PSMB2: variants seen among roughly 807,000 people sequenced by gnomAD.
The protein encoded by PSMB2 is proteasome 20S subunit beta 2.
In PSMB2, 13 loss-of-function variants were observed where a neutral mutation model predicts 25.7. The observed-to-expected ratio is 0.51, with a 90% CI of 0.33 to 0.80. The LOEUF is 0.80. Ranked by LOEUF, PSMB2 falls within the 30% of genes least tolerant of loss-of-function variation. The pLI is 0.02. For synonymous variants in PSMB2, 87 were observed against 96.2 expected, an observed-to-expected ratio of 0.90 and a Z score of 0.56; for missense variants, 202 against 259.0, an observed-to-expected ratio of 0.78 and a Z score of 1.51.
At chr1:35,626,020 T>G (rs1046109001) in intron 3 of PSMB2, among the ~76,000 whole-genome samples, 4 of 151,990 alleles carry the variant, frequency 2.6e-5, no homozygotes, top group African/African-American at 9.7e-5. Flanking sequence ...GTATTTTTAG[T>G]AGAGATGGGG....
chr1:35,612,089 A>AG (rs1650360217), intron 3 of PSMB2, among the ~76,000 whole-genome samples: 1 of 152,218 alleles, frequency 6.6e-6, no homozygotes, highest in Non-Finnish European at 1.5e-5. Flanking sequence ...TTTCTGTTTT[A>AG]GTGATAGGAC....
chr1:35,641,014 A>C (rs527502560), intron 1 of PSMB2, among the ~76,000 whole-genome samples: 3 of 150,514 alleles, frequency 2.0e-5, no homozygotes, highest in African/African-American at 7.5e-5. Flanking sequence ...AATATGGAGA[A>C]ATCCACATCT....
chr1:35,609,023 T>C (rs1211814542), intron 4 of PSMB2, among the ~76,000 whole-genome samples: 1 of 152,222 alleles, frequency 6.6e-6, no homozygotes, highest in African/African-American at 2.4e-5. Context: ...TCTAGAGATA[T>C]GTACTATCTC....
Position 35,602,926 on chromosome 1 carries a change from G to C in PSMB2, c.*341C>G. ...GCAAAAAGAACCACTACTTTAGAGA[G>C]AATGGAGATACTAGCAAGTAAAATA... On this transcript the variant is annotated 3_prime_UTR_variant, in exon 6 of 6. Transcript: ENST00000373237. The C allele has an allele frequency of 9.7e-7, 1 of 1,026,560 alleles. No homozygotes were observed. Among genetic ancestry groups the C allele is most frequent in the Non-Finnish European group, 1.2e-6 (1 of 854,056 alleles). The allele number at this position is 1,026,560 out of a possible 1,614,324, so 63.6% of individuals were successfully genotyped here.
chr1:35,641,523 G>A lies in PSMB2; in HGVS notation c.-91C>T. 9 of 1,573,018 alleles carry A rather than the reference G, an allele frequency of 5.7e-6. No individual in the cohort carries two copies. The highest frequency in any genetic ancestry group is 1.8e-5 in the Admixed American group (1 of 54,132). On this transcript the variant is annotated 5_prime_UTR_variant, in exon 1 of 6. Coordinates refer to ENST00000373237, the MANE Select transcript of PSMB2 (RefSeq NM_002794.5). Reference sequence around the variant, plus strand: ...CGGTGAGACAGCACCTCAGAGCGAAGATTGGCGCGACGCCTGCAGCACGAC... The same window carrying A: ...CGGTGAGACAGCACCTCAGAGCGAAAATTGGCGCGACGCCTGCAGCACGAC...
chr1:35,639,240 C>T (rs1045846323), intron 1 of PSMB2, among the ~76,000 whole-genome samples: 4 of 151,798 alleles, frequency 2.6e-5, no homozygotes, highest in African/African-American at 4.8e-5. Flanking sequence ...GGTGACAGAG[C>T]GAGACTCTGT....
At chr1:35,619,690 T>C (rs1420612417) in intron 3 of PSMB2, among the ~76,000 whole-genome samples, 3 of 152,238 alleles carry the variant, frequency 2.0e-5, no homozygotes, top group Non-Finnish European at 1.5e-5. Context: ...AAATTTTACT[T>C]CTCTAAAGCT....
At chr1:35,621,349 C>A (rs1366525588) in intron 3 of PSMB2, among the ~76,000 whole-genome samples, 2 of 152,174 alleles carry the variant, frequency 1.3e-5, no homozygotes, top group Non-Finnish European at 2.9e-5. Flanking sequence ...TCTGAAGGCC[C>A]ACATTGAGGT....
rs377221341 is a variant in PSMB2, at chr1:35,614,545, G to C, written c.286-5137C>G. On this transcript the variant is annotated intron_variant, in intron 3 of 5. Coordinates refer to ENST00000373237, the MANE Select transcript of PSMB2 (RefSeq NM_002794.5). ...GACAAAGTTTTGAGGTCCCCAAGGG[G>C]AAGAACTGCAACATACAAGACTAGG... Among the ~76,000 whole-genome samples the C allele has an allele frequency of 2.6e-5, 4 of 152,194 alleles. No individual in the cohort carries two copies. The East Asian group carries it at 7.7e-4, about 29-fold the overall frequency.
rs765004257 is a variant in PSMB2, at chr1:35,603,359, T to C, written c.514A>G (p.Ile172Val). ...ACACTGAAGGTTGGCAGATTCAGGA[T>C]GAAGCGTTTCTGGAGCTGCAGAGAG... Reference protein sequence around the residue: ...KCLEELQKRFILNLPTFSVRI... With the variant: ...KCLEELQKRFVLNLPTFSVRI... The change falls in exon 6 of 6, where the codon ATC becomes GTC. Residue 172 changes from isoleucine (I) to valine (V), a missense_variant. Ile to Val is a conservative substitution (Grantham distance 29, BLOSUM62 3). Coordinates refer to ENST00000373237, the MANE Select transcript of PSMB2 (RefSeq NM_002794.5). The C allele has an allele frequency of 2.5e-6, 4 of 1,614,040 alleles. No individual in the cohort carries two copies. The highest frequency in any genetic ancestry group is 2.2e-5 in the East Asian group (1 of 44,900).
In PSMB2 at chr1:35,624,920, G is replaced by A. The variant is rs562276306; in HGVS notation, c.285+6354C>T. Among the ~76,000 whole-genome samples the A allele has an allele frequency of 7.2e-5, 11 of 152,252 alleles. No individual in the cohort carries two copies. In the South Asian group the frequency reaches 2.3e-3, roughly 32 times the overall value. On this transcript the variant is annotated intron_variant, in intron 3 of 5. Coordinates refer to ENST00000373237, the MANE Select transcript of PSMB2 (RefSeq NM_002794.5). ...TACTAAAAATACACAAATTAGCCAG[G>A]CATGGTGGTGCACGCCTGTAGTCCC...
Position 35,631,303 on chromosome 1 carries a change from G to C in PSMB2, c.256C>G (p.Arg86Gly). 6.2e-7 allele frequency: 1 copy of C among 1,614,122 alleles called. No individual in the cohort carries two copies. The highest frequency in any genetic ancestry group is 8.5e-7 in the Non-Finnish European group (1 of 1,179,992). Residue 86 changes from arginine to glycine, a missense_variant, in exon 3 of 6, where the codon CGA becomes GGA. Arg to Gly is a moderately radical substitution (Grantham distance 125). Coordinates refer to ENST00000373237, the MANE Select transcript of PSMB2 (RefSeq NM_002794.5). ...CTCCGAAGACAGTCAGCCAGGTTTC[G>C]GCGTGTGAAGTTAGCTGCTGCCGTG... The part of the protein sequence containing the change: ...SPTAAANFTR[R>G]NLADCLRSRT...
At chr1:35,610,895 T>C (rs758534166) in intron 3 of PSMB2, among the ~76,000 whole-genome samples, 1 of 152,242 alleles carries the variant, frequency 6.6e-6, no homozygotes, top group Non-Finnish European at 1.5e-5. Flanking sequence ...GATTTATAGG[T>C]ATCCTTTCTT....
At chr1:35,628,596 A>AAAAAAAAATATAT (rs59538661) in intron 3 of PSMB2, among the ~76,000 whole-genome samples, 7 of 25,104 alleles carry the variant, frequency 2.8e-4, no homozygotes, top group Admixed American at 8.2e-4. Flanking sequence ...AAAAAAAAAA[A>AAAAAAAAATATAT]ATATATATAT....
chr1:35,604,567 G>A (rs1202637324), intron 5 of PSMB2, among the ~76,000 whole-genome samples: 1 of 152,118 alleles, frequency 6.6e-6, no homozygotes, highest in Non-Finnish European at 1.5e-5. Flanking sequence ...ATCACCTGAG[G>A]TCAGGAGTTC....
At chr1:35,606,921 G>A (rs1650185974) in intron 4 of PSMB2, among the ~76,000 whole-genome samples, 1 of 152,094 alleles carries the variant, frequency 6.6e-6, no homozygotes, top group Non-Finnish European at 1.5e-5. Flanking sequence ...GACTTTTGAT[G>A]AAGGTACCAA....
intron 3 of PSMB2, among the ~76,000 whole-genome samples, chr1:35,623,700 G>A (rs1162560273): frequency 6.6e-6 from 1 of 152,218 alleles, no homozygotes; most frequent in Admixed American, 6.5e-5. Context: ...TGGGTGAGAC[G>A]GGGGCAAGTA....
intron 5 of PSMB2, among the ~76,000 whole-genome samples, chr1:35,603,703 GTC>G (rs1252710368): frequency 6.6e-6 from 1 of 152,136 alleles, no homozygotes; most frequent in Admixed American, 6.6e-5. Flanking sequence ...AAACACAGAC[GTC>G]TCTCTTAAAA....
intron 3 of PSMB2, among the ~76,000 whole-genome samples, chr1:35,612,028 G>A (rs1229603434): frequency 6.6e-6 from 1 of 151,818 alleles, no homozygotes; most frequent in Admixed American, 6.5e-5. Context: ...AAGTAGAAAG[G>A]GTTCCTAACA....
Sources: gnomAD v4.1 joint callset for allele counts (sites outside exome capture counted in the v4.1 genomes callset) on GRCh38, gnomAD v4.1.1 for gene constraint, MANE v1.5 for transcripts, NCBI Gene and HGNC (gene_info 2026-07-23, HGNC 2026-07-21) for gene names.